Variants in PREP observed in about 807,000 individuals in gnomAD.
The protein encoded by PREP is dJ355L5.1 (prolyl endopeptidase).
Under a neutral mutation model 87.6 loss-of-function variants are expected in PREP, and 29 were observed. That is an observed-to-expected ratio of 0.33 (90% confidence interval 0.25 to 0.45). The LOEUF (loss-of-function observed/expected upper bound fraction) is 0.45. Among genes scored for constraint, PREP ranks in the 20% least tolerant of loss-of-function variants. The pLI is 1.00. For synonymous variants in PREP, 337 were observed against 328.6 expected (o/e 1.03, Z -0.28); for missense variants, 695 against 886.5 (o/e 0.78, Z 2.74).
At chr6:105,377,290 C>A in intron 3 of PREP, 96 bp downstream of exon 3, 1 of 1,351,578 alleles carries the variant, frequency 7.4e-7, no homozygotes. Flanking sequence ...ATGAATTAAT[C>A]TTATACAAGG....
At position 105,275,974 on chromosome 6, in the gene PREP, T is replaced by G. The variant is rs879031636; in HGVS notation, c.*2170A>C. Among the ~76,000 whole-genome samples the G allele has an allele frequency of 6.6e-6, 1 of 152,214 alleles. No individual in the cohort carries two copies. Among genetic ancestry groups the G allele is most frequent in the African/African-American group, 2.4e-5 (1 of 41,448 alleles). On this transcript the variant is annotated 3_prime_UTR_variant, in exon 15 of 15. Coordinates refer to ENST00000652536, the MANE Select transcript of PREP (RefSeq NM_002726.5). ...TTAGATCAGTAGGGTGTCTATAGTTTACAATAATCTACTGTGCATTTCAAA... is the reference window on the plus strand; with the variant it reads ...TTAGATCAGTAGGGTGTCTATAGTTGACAATAATCTACTGTGCATTTCAAA...
At chr6:105,333,573 G>C (rs1249653580) in intron 7 of PREP, 68 bp from the exon 8 acceptor site, 1 of 1,486,032 alleles carries the variant, frequency 6.7e-7, no homozygotes, top group Non-Finnish European at 9.4e-7. Context: ...TGTGTGTAGG[G>C]AGGGGAGGGT....
chr6:105,320,964 G>A (rs894303366), intron 10 of PREP, among the ~76,000 whole-genome samples: 18 of 152,264 alleles, frequency 1.2e-4, no homozygotes, highest in Non-Finnish European at 2.2e-4. Context: ...CATCTGTCAC[G>A]CTCTCATTGC....
intron 9 of PREP, among the ~76,000 whole-genome samples, chr6:105,325,121 G>T (rs1583056298): frequency 6.6e-6 from 1 of 152,130 alleles, no homozygotes; most frequent in African/African-American, 2.4e-5. Context: ...GCTATCTCTT[G>T]TGGTATATTT....
intron 6 of PREP, among the ~76,000 whole-genome samples, chr6:105,354,521 G>GT (rs77387653): frequency 0.11 from 15,817 of 144,004 alleles, 962 homozygotes; most frequent in South Asian, 0.21. Flanking sequence ...TGTTTGTGAA[G>GT]TTTTTTTTTT....
At chr6:105,350,779 G>T (rs906212092) in intron 7 of PREP, among the ~76,000 whole-genome samples, 1 of 152,146 alleles carries the variant, frequency 6.6e-6, no homozygotes, top group Non-Finnish European at 1.5e-5. Context: ...CCATTCAAAA[G>T]AATTACTCTG....
chr6:105,338,810 C>A (rs535196565), intron 7 of PREP, among the ~76,000 whole-genome samples: 2 of 152,190 alleles, frequency 1.3e-5, no homozygotes, highest in East Asian at 1.9e-4. Flanking sequence ...AGTCTGAGAT[C>A]GAACTGCAAG....
Position 105,324,326 on chromosome 6 carries a change from T to C in PREP, c.1214-558A>G, listed in dbSNP as rs138048057. ...GCAATCACGGACCAAAGATGATCAG[T>C]AGATATTTCAAAATTGCTTTTCCAA... On this transcript the variant is annotated intron_variant, in intron 9 of 14. Transcript: ENST00000652536. Among the ~76,000 whole-genome samples the C allele has an allele frequency of 2.4e-3, 364 of 152,252 alleles. 1 individual carries two copies. Among genetic ancestry groups the C allele is most frequent in the African/African-American group, 8.3e-3 (343 of 41,536 alleles).
intron 13 of PREP, 61 bp from the exon 14 acceptor site, chr6:105,281,963 A>G: frequency 6.4e-7 from 1 of 1,570,298 alleles, no homozygotes; most frequent in East Asian, 2.2e-5. Flanking sequence ...TACATAAACA[A>G]GGCAAGGCAA....
intron 10 of PREP, among the ~76,000 whole-genome samples, chr6:105,299,370 G>A (rs1375669806): frequency 3.3e-5 from 5 of 152,148 alleles, no homozygotes; most frequent in Admixed American, 6.5e-5. Flanking sequence ...AGGCCAAGAC[G>A]GACAGATCAC....
chr6:105,372,178 T>C (rs934275586), intron 5 of PREP, among the ~76,000 whole-genome samples: 1 of 151,748 alleles, frequency 6.6e-6, no homozygotes, highest in Non-Finnish European at 1.5e-5. Flanking sequence ...TGAAAAACAC[T>C]GTAGCCTTAT....
intron 1 of PREP, 103 bp from the exon 2 acceptor site, chr6:105,398,030 T>C (rs1380198671): frequency 1.1e-6 from 1 of 935,472 alleles, no homozygotes; most frequent in Non-Finnish European, 1.6e-6. Context: ...TGGACAAAAA[T>C]GCTAATTGGC....
rs1769970459 is a variant in PREP, at chr6:105,277,534, TCTAA to T, written c.*606_*609del. The T allele has an allele frequency of 6.7e-6, 1 of 149,654 alleles. No individual in the cohort carries two copies. The highest frequency in any genetic ancestry group is 1.5e-5 in the Non-Finnish European group (1 of 68,442). 9.3% of individuals were successfully genotyped at this position (149,654 alleles called of 1,614,324 possible). On this transcript the variant is annotated 3_prime_UTR_variant, in exon 15 of 15. Transcript: ENST00000652536. ...AACCCCCTCTGACAGCTTCATCACC[TCTAA>T]CAAACAAACAAACAAGGGAGACAGA...
chr6:105,330,944 T>C (rs1229666195), intron 8 of PREP, among the ~76,000 whole-genome samples: 2 of 152,206 alleles, frequency 1.3e-5, no homozygotes, highest in Non-Finnish European at 2.9e-5. Flanking sequence ...ACATATTTCA[T>C]GTGGCTTAAT....
chr6:105,315,320 T>C (rs1444485635), intron 10 of PREP, among the ~76,000 whole-genome samples: 2 of 152,276 alleles, frequency 1.3e-5, no homozygotes, highest in African/African-American at 4.8e-5. Context: ...CATGCCACCA[T>C]GCTTGGCTAA....
At chr6:105,382,211 A>T (rs1426404840) in intron 2 of PREP, among the ~76,000 whole-genome samples, 1 of 151,718 alleles carries the variant, frequency 6.6e-6, no homozygotes, top group African/African-American at 2.4e-5. Flanking sequence ...AGTTCAAGAG[A>T]TCTATTGTAC....
chr6:105,333,192 G>C, intron 8 of PREP, 122 bp downstream of exon 8: 1 of 894,240 alleles, frequency 1.1e-6, no homozygotes, highest in Non-Finnish European at 1.7e-6. Flanking sequence ...CTTCATTCCT[G>C]ATGATTACAG....
intron 10 of PREP, among the ~76,000 whole-genome samples, chr6:105,301,332 A>T (rs897280579): frequency 1.3e-5 from 2 of 152,244 alleles, no homozygotes; most frequent in Non-Finnish European, 2.9e-5. Flanking sequence ...AATAAATCTG[A>T]CAAGGAGCAG....
intron 2 of PREP, among the ~76,000 whole-genome samples, chr6:105,383,679 G>T (rs9372088): frequency 6.6e-6 from 1 of 152,090 alleles, no homozygotes; most frequent in Non-Finnish European, 1.5e-5. Context: ...GCTTGTCCCC[G>T]TGTGGGTAAA....
Sources: gnomAD v4.1 joint callset for allele counts (sites outside exome capture counted in the v4.1 genomes callset) on GRCh38, gnomAD v4.1.1 for gene constraint, MANE v1.5 for transcripts, NCBI Gene and HGNC (gene_info 2026-07-23, HGNC 2026-07-21) for gene names.